The following C9orf85 variants were observed in gnomAD, a reference collection of about 807,000 sequenced individuals.
C9orf85 encodes the protein uncharacterized protein C9orf85.
Under a neutral mutation model 14.9 loss-of-function variants are expected in C9orf85, and 16 were observed. That is an observed-to-expected ratio of 1.08 (90% CI 0.73 to 1.63). The LOEUF is 1.63. Among genes scored for constraint, C9orf85 ranks in the 40% most tolerant of loss-of-function variants. C9orf85 has a pLI of 0.00. For synonymous variants in C9orf85, 45 were observed against 56.8 expected, an observed-to-expected ratio of 0.79 and a Z score of 0.93; for missense variants, 172 against 186.1, an observed-to-expected ratio of 0.92 and a Z score of 0.44.
chr9:71,969,021 AACAGATGTGAACT>A (rs1230314015), intron 2 of C9orf85, among the ~76,000 whole-genome samples: 3 of 152,138 alleles, frequency 2.0e-5, no homozygotes, highest in Non-Finnish European at 4.4e-5. Context: ...TGACCAGGGG[AACAGATGTGAACT>A]ACTGATTAGA....
chr9:71,967,824 G>A (rs1822739517), intron 2 of C9orf85, among the ~76,000 whole-genome samples: 1 of 149,798 alleles, frequency 6.7e-6, no homozygotes, highest in Non-Finnish European at 1.5e-5. Flanking sequence ...TGATCTTACA[G>A]GGAAGGTATT....
At chr9:71,969,375 C>T (rs1319548525) in intron 2 of C9orf85, among the ~76,000 whole-genome samples, 1 of 152,138 alleles carries the variant, frequency 6.6e-6, no homozygotes, top group African/African-American at 2.4e-5. Flanking sequence ...CTCCTGGCCT[C>T]AAGTGATCCA....
chr9:71,934,947 A>G (rs1353431622), intron 1 of C9orf85, among the ~76,000 whole-genome samples: 1 of 152,194 alleles, frequency 6.6e-6, no homozygotes, highest in Non-Finnish European at 1.5e-5. Flanking sequence ...CAATTCAAAA[A>G]TGGGCAGAGG....
At chr9:71,948,062 T>C (rs1046509794) in intron 2 of C9orf85, among the ~76,000 whole-genome samples, 2 of 152,256 alleles carry the variant, frequency 1.3e-5, no homozygotes, top group East Asian at 3.8e-4. Context: ...AATTGCTGCA[T>C]GAAAGAGAAA....
chr9:71,962,157 C>T (rs1288126702), intron 2 of C9orf85, among the ~76,000 whole-genome samples: 2 of 152,110 alleles, frequency 1.3e-5, no homozygotes, highest in East Asian at 3.8e-4. Context: ...CAGAGTGAGA[C>T]CCTGTCTCAA....
chr9:71,942,085 G>A (rs1399837112), intron 1 of C9orf85, among the ~76,000 whole-genome samples: 1 of 152,158 alleles, frequency 6.6e-6, no homozygotes, highest in Non-Finnish European at 1.5e-5. Context: ...ATTGAAGATG[G>A]CCTTATTATA....
chr9:71,914,892 G>T (rs1268166458), intron 1 of C9orf85, among the ~76,000 whole-genome samples: 3 of 152,148 alleles, frequency 2.0e-5, no homozygotes, highest in East Asian at 3.9e-4. Context: ...GGATTCAGAG[G>T]GTCGGCAGTG....
At chr9:71,971,452 C>A in intron 2 of C9orf85, 53 bp from the exon 3 acceptor site, 3 of 1,078,562 alleles carry the variant, frequency 2.8e-6, no homozygotes, top group South Asian at 1.6e-5. Flanking sequence ...CTTATTTTAT[C>A]AAATAAGTCT....
intron 2 of C9orf85, among the ~76,000 whole-genome samples, chr9:71,948,525 TATTTA>T (rs1486830355): frequency 6.6e-6 from 1 of 152,054 alleles, no homozygotes; most frequent in African/African-American, 2.4e-5. Flanking sequence ...TTTATTTATT[TATTTA>T]ATTTATTTTG....
chr9:71,913,375 T>C (rs1297180492), intron 1 of C9orf85, among the ~76,000 whole-genome samples: 2 of 152,218 alleles, frequency 1.3e-5, no homozygotes, highest in Non-Finnish European at 2.9e-5. Context: ...TCACGGAGTT[T>C]ATAGTTTCTA....
chr9:71,916,295 T>G (rs1039362895), intron 1 of C9orf85, among the ~76,000 whole-genome samples: 1 of 152,064 alleles, frequency 6.6e-6, no homozygotes, highest in African/African-American at 2.4e-5. Context: ...AATATATATA[T>G]AGTCAGTATT....
chr9:71,965,319 G>A lies in C9orf85; in HGVS notation c.210-6186G>A, dbSNP rs1044687755. On this transcript the variant is annotated intron_variant, in intron 2 of 3. Coordinates refer to ENST00000334731, the MANE Select transcript of C9orf85 (RefSeq NM_182505.5). Reference sequence around the variant, plus strand: ...GTGAGCTCTCTTTACTACCTGATTCGTCGGGTGTGAGTTTAGTTGCAAGCC... The same window carrying A: ...GTGAGCTCTCTTTACTACCTGATTCATCGGGTGTGAGTTTAGTTGCAAGCC... 2.6e-5 allele frequency among the ~76,000 whole-genome samples: 4 copies of A among 152,024 alleles called. No individual in the cohort carries two copies. In the South Asian group the frequency reaches 8.3e-4, roughly 32 times the overall value.
chr9:71,913,160 G>A (rs1050355695), intron 1 of C9orf85, among the ~76,000 whole-genome samples: 10 of 152,138 alleles, frequency 6.6e-5, no homozygotes, highest in Non-Finnish European at 1.2e-4. Flanking sequence ...TGCATAAATG[G>A]CCTAGGTCAT....
At chr9:71,956,173 A>G (rs745420916) in intron 2 of C9orf85, among the ~76,000 whole-genome samples, 34 of 152,242 alleles carry the variant, frequency 2.2e-4, no homozygotes, top group Middle Eastern at 3.4e-3. Flanking sequence ...GAATCTTCTA[A>G]TAAAACAACT....
At position 71,961,970 on chromosome 9, in the gene C9orf85, A is replaced by G. The variant is rs568129342; in HGVS notation, c.210-9535A>G. Among the ~76,000 whole-genome samples, 41 of 152,230 alleles carry G rather than the reference A, an allele frequency of 2.7e-4. No homozygotes were observed. In the South Asian group the frequency reaches 8.3e-3, roughly 31 times the overall value. ...CCTTGAGCCCAAAAGTGCTAGACCA[A>G]CTTGGGCAACATAGTGAGACCCTGT... On this transcript the variant is annotated intron_variant, in intron 2 of 3. Coordinates refer to ENST00000334731, the MANE Select transcript of C9orf85 (RefSeq NM_182505.5).
chr9:71,976,704 A>G (rs1455217199), downstream of C9orf85, among the ~76,000 whole-genome samples: 2 of 141,704 alleles, frequency 1.4e-5, no homozygotes, highest in Non-Finnish European at 3.0e-5. Flanking sequence ...ATTGTGGTTC[A>G]TTTGGTCTGG....
chr9:71,950,532 C>T (rs893962447), intron 2 of C9orf85, among the ~76,000 whole-genome samples: 8 of 151,930 alleles, frequency 5.3e-5, no homozygotes, highest in East Asian at 1.9e-4. Context: ...CCACTGTGCC[C>T]GGCTAATTTT....
intron 2 of C9orf85, among the ~76,000 whole-genome samples, chr9:71,967,658 A>AT (rs1485638911): frequency 1.6e-5 from 2 of 126,942 alleles, no homozygotes; most frequent in African/African-American, 3.0e-5. Context: ...ATAGACAGTG[A>AT]TTTTTTCTTC....
At position 71,972,866 on chromosome 9, in the gene C9orf85, G is replaced by A. The variant is rs376743954; in HGVS notation, c.*24G>A. 4.7e-4 allele frequency: 745 copies of A among 1,581,336 alleles called. 2 individuals are homozygous for A. The highest frequency in any genetic ancestry group is 5.8e-4 in the Non-Finnish European group (671 of 1,162,238). On this transcript the variant is annotated 3_prime_UTR_variant, in exon 4 of 4. Transcript: ENST00000334731. ...AATATCACTGTATTAAAAGTCTGCC[G>A]GGCACAGTGGCTCACGCCTGTAATC...
Sources: gnomAD v4.1 joint callset for allele counts (sites outside exome capture counted in the v4.1 genomes callset) on GRCh38, gnomAD v4.1.1 for gene constraint, MANE v1.5 for transcripts, NCBI Gene and HGNC (gene_info 2026-07-23, HGNC 2026-07-21) for gene names.